ZNF335: variants seen among roughly 807,000 people sequenced by gnomAD.
The protein encoded by ZNF335 is zinc finger protein 335.
In ZNF335, 84 loss-of-function variants were observed where a neutral mutation model predicts 145.6. The ratio of observed to expected loss-of-function variants is 0.58; its 90% confidence interval spans 0.48 to 0.69. ZNF335 has a LOEUF of 0.69. Among genes scored for constraint, ZNF335 ranks in the 30% least tolerant of loss-of-function variants. ZNF335 has a pLI of 0.00. For synonymous variants in ZNF335, 761 were observed against 717.0 expected (o/e 1.06, Z -0.98); for missense variants, 1,865 against 1,809.7 (o/e 1.03, Z -0.55).
chr20:45,952,139 G>A lies in ZNF335; in HGVS notation c.3189+8C>T, dbSNP rs201723269. The A allele has an allele frequency of 3.2e-5, 51 of 1,588,030 alleles. No individual in the cohort carries two copies. Among genetic ancestry groups the A allele is most frequent in the Non-Finnish European group, 4.1e-5 (48 of 1,165,112 alleles). ...GACAGCAGAGACACAGGAGCAACCA[G>A]CACCTACCCGGACCTCGGGCCACTG... On this transcript the variant is annotated splice_region_variant and intron_variant, in intron 20 of 27. Coordinates refer to ENST00000322927, the MANE Select transcript of ZNF335 (RefSeq NM_022095.4).
chr20:45,965,127 C>G (rs2083928030), intron 7 of ZNF335, among the ~76,000 whole-genome samples: 1 of 151,740 alleles, frequency 6.6e-6, no homozygotes, highest in South Asian at 2.1e-4. Flanking sequence ...GTATTTAACC[C>G]TTAAGCAATC....
chr20:45,969,982 C>G (rs914953234), intron 2 of ZNF335: 2 of 316,914 alleles, frequency 6.3e-6, no homozygotes, highest in Non-Finnish European at 1.2e-5. Flanking sequence ...TTGCATAAAT[C>G]GTTCCCTCTG....
At position 45,969,610 on chromosome 20, in the gene ZNF335, G is replaced by A; in HGVS notation, c.283C>T (p.Pro95Ser). 6.2e-7 allele frequency: 1 copy of A among 1,609,452 alleles called. No homozygotes were observed. The highest frequency in any genetic ancestry group is 8.5e-7 in the Non-Finnish European group (1 of 1,176,686). ...GGACCGCCTGTCACCCCTGCCACTGGCCCATGAGACACAGACGATGAATCA... is the reference window on the plus strand; with the variant it reads ...GGACCGCCTGTCACCCCTGCCACTGACCCATGAGACACAGACGATGAATCA... ...LPDSSSVSHG[P>S]VAGVTGGPPA... Residue 95 changes from proline to serine, a missense_variant, in exon 3 of 28, where the codon CCA (proline) becomes TCA (serine). Physicochemically the swap from Pro to Ser is moderately conservative, Grantham distance 74. Transcript: ENST00000322927.
In ZNF335 at chr20:45,963,974, A is replaced by G. The variant is rs140809867; in HGVS notation, c.1119T>C (p.Pro373=). The G allele has an allele frequency of 2.6e-5, 39 of 1,520,990 alleles. No homozygotes were observed. In the African/African-American group the frequency reaches 5.3e-4, roughly 21 times the overall value. 94.2% of individuals were successfully genotyped at this position (1,520,990 alleles called of 1,614,324 possible). A position where few individuals can be genotyped will look rare whatever the true frequency, so the allele number is the denominator to read the frequency against. ...TCTGTCCACTCTGGGAACTCACTAG[A>G]GGCTCTCCTTCCACACCTGCCACGG... The part of the protein sequence containing the change: ...SDLPDGVEGE[P]LVSSQSGQSP... Residue 373 remains proline (P), a synonymous_variant, in exon 8 of 28, where the codon CCT becomes CCC. Transcript: ENST00000322927.
intron 6 of ZNF335, 65 bp downstream of exon 6, chr20:45,967,429 G>A (rs2083975607): frequency 6.2e-7 from 1 of 1,613,266 alleles, no homozygotes; most frequent in Non-Finnish European, 8.5e-7. Flanking sequence ...CCCTCCAAGT[G>A]AAAGCTCAGT....
chr20:45,951,058 A>G lies in ZNF335; in HGVS notation c.3190-463T>C, dbSNP rs138191963. Among the ~76,000 whole-genome samples the G allele has an allele frequency of 4.4e-3, 669 of 152,228 alleles. 1 individual carries two copies. Among genetic ancestry groups the G allele is most frequent in the African/African-American group, 0.016 (647 of 41,536 alleles). On this transcript the variant is annotated intron_variant, in intron 20 of 27. Coordinates refer to ENST00000322927, the MANE Select transcript of ZNF335 (RefSeq NM_022095.4). ...CTGGCATGCGCCACCACACCTGGCT[A>G]ATTTTGTATTTTTAGTAGAGATGGG... is the stretch of plus-strand genomic sequence containing the variant.
Position 45,952,719 on chromosome 20 carries a change from T to C in ZNF335, c.2703-10A>G, listed in dbSNP as rs745453009. 2 of 1,613,098 alleles carry C rather than the reference T, an allele frequency of 1.2e-6. No homozygotes were observed. Among genetic ancestry groups the C allele is most frequent in the Non-Finnish European group, 1.7e-6 (2 of 1,179,638 alleles). On this transcript the variant is annotated splice_polypyrimidine_tract_variant and intron_variant, in intron 18 of 27. Transcript: ENST00000322927. ...TCCTGCGGGCTCCTCGCTGTGGGCA[T>C]GGAGAAGGTTCTAGGAGAAGATGGA...
At chr20:45,971,529 C>G in intron 1 of ZNF335, 69 bp from the exon 2 acceptor site, 1 of 1,500,362 alleles carries the variant, frequency 6.7e-7, no homozygotes, top group Non-Finnish European at 8.9e-7. Context: ...CACGGCCACC[C>G]ATTTGCACCC....
chr20:45,964,268 G>T lies in ZNF335; in HGVS notation c.1103-278C>A, dbSNP rs528085755. The T allele has an allele frequency of 6.4e-4, 240 of 375,452 alleles. 1 individual carries two copies. The highest frequency in any genetic ancestry group is 8.8e-4 in the East Asian group (21 of 23,950). 23.3% of individuals were successfully genotyped at this position (375,452 alleles called of 1,614,324 possible). On this transcript the variant is annotated intron_variant, in intron 7 of 27. Transcript: ENST00000322927. ...TCAGGAGACCTGGGTTCCAGGCACG[G>T]CTCTGTCACTGACATGCTGTGCACC...
chr20:45,960,776 G>A (rs1350692822), intron 11 of ZNF335, 44 bp from the exon 12 acceptor site: 2 of 1,611,982 alleles, frequency 1.2e-6, no homozygotes, highest in South Asian at 2.2e-5. Flanking sequence ...AGAAGTGGAG[G>A]AGGGAGGATA....
chr20:45,948,864 C>G lies in ZNF335; in HGVS notation c.*89G>C, dbSNP rs1023135017. On this transcript the variant is annotated 3_prime_UTR_variant, in exon 28 of 28. Transcript: ENST00000322927. ...TGCTGGCTATCCAGTATCTGGAGAT[C>G]CTAAATGAAGAGGGAGGTGAGTCCT... 1 of 1,585,600 alleles carries G rather than the reference C, an allele frequency of 6.3e-7. No homozygotes were observed. Among genetic ancestry groups the G allele is most frequent in the Non-Finnish European group, 8.6e-7 (1 of 1,160,820 alleles).
At position 45,972,170 on chromosome 20, in the gene ZNF335, T is replaced by C; in HGVS notation, c.-99A>G. 2 of 1,289,194 alleles carry C rather than the reference T, an allele frequency of 1.6e-6. No homozygotes were observed. The highest frequency in any genetic ancestry group is 2.0e-6 in the Non-Finnish European group (2 of 988,620). 79.9% of individuals were successfully genotyped at this position (1,289,194 alleles called of 1,614,324 possible). On this transcript the variant is annotated 5_prime_UTR_variant, in exon 1 of 28. Coordinates refer to ENST00000322927, the MANE Select transcript of ZNF335 (RefSeq NM_022095.4). ...CTCTCTGACTCCGGCATCGACGAGG[T>C]CGCCATCCTCTTTCCTCCGCTGCGG...
At position 45,960,865 on chromosome 20, in the gene ZNF335, G is replaced by A. The variant is rs756223963; in HGVS notation, c.1664C>T (p.Pro555Leu). 5.5e-5 allele frequency: 88 copies of A among 1,613,686 alleles called. No homozygotes were observed. The highest frequency in any genetic ancestry group is 1.2e-4 in the African/African-American group (9 of 74,862). The change falls in exon 11 of 28, where the codon CCG (proline) becomes CTG (leucine). Residue 555 changes from proline (P) to leucine (L), a missense_variant and splice_region_variant. Transcript: ENST00000322927. The stretch of plus-strand genomic sequence containing the variant: ...CCCAGGCCAGCACGCCAGACTCACC[G>A]GATCTGGCCTCTTCTTCCTGTGGGG... Reference protein sequence around the residue: ...HSRDRKKRPDPTPKLSSFPCP... With the variant: ...HSRDRKKRPDLTPKLSSFPCP...
rs565387765 is a variant in ZNF335 at position 45,957,856 on chromosome 20, C to T, written c.2326G>A (p.Ala776Thr). The T allele has an allele frequency of 1.5e-5, 24 of 1,613,858 alleles. No individual in the cohort carries two copies. Among genetic ancestry groups the T allele is most frequent in the African/African-American group, 4.0e-5 (3 of 74,952 alleles). ...TCACCTTGCTGGTAGATGATGGTGGCGCCGCCCAGGGTGTCAGAACAGAGC... is the reference window on the plus strand; with the variant it reads ...TCACCTTGCTGGTAGATGATGGTGGTGCCGCCCAGGGTGTCAGAACAGAGC... ...SLLCSDTLGG[A>T]TIIYQQGAEE... Residue 776 changes from alanine (A) to threonine (T), a missense_variant, in exon 16 of 28, where the codon GCC becomes ACC. By Grantham distance (58) the Ala-to-Thr change is moderately conservative. Coordinates refer to ENST00000322927, the MANE Select transcript of ZNF335 (RefSeq NM_022095.4).
chr20:45,965,599 C>A, intron 7 of ZNF335, 29 bp downstream of exon 7: 1 of 1,583,088 alleles, frequency 6.3e-7, no homozygotes. Context: ...GACCCACCCA[C>A]ACGAGCCCCT....
Position 45,972,179 on chromosome 20 carries a change from T to G in ZNF335, c.-108A>C. ...TCCGGCATCGACGAGGTCGCCATCC[T>G]CTTTCCTCCGCTGCGGAGGAACCCA... On this transcript the variant is annotated 5_prime_UTR_variant, in exon 1 of 28. Transcript: ENST00000322927. The G allele has an allele frequency of 7.8e-7, 1 of 1,289,280 alleles. No individual in the cohort carries two copies. Among genetic ancestry groups the G allele is most frequent in the Non-Finnish European group, 1.0e-6 (1 of 988,554 alleles). The allele number at this position is 1,289,280 out of a possible 1,614,324, so 79.9% of individuals were successfully genotyped here. A position where few individuals can be genotyped will look rare whatever the true frequency, so the allele number is the denominator to read the frequency against.
chr20:45,960,371 G>A lies in ZNF335; in HGVS notation c.1860-3C>T, dbSNP rs770964359. 6 of 1,614,204 alleles carry A rather than the reference G, an allele frequency of 3.7e-6. No individual in the cohort carries two copies. The highest frequency in any genetic ancestry group is 5.1e-6 in the Non-Finnish European group (6 of 1,180,022). On this transcript the variant is annotated splice_region_variant and splice_polypyrimidine_tract_variant and intron_variant, in intron 13 of 27. Transcript: ENST00000322927. ...ACTCACAGAACTCACACTTGAACCTGGAGGCGGTTAGAGGGAGGGAAGCTC... is the reference window on the plus strand; with the variant it reads ...ACTCACAGAACTCACACTTGAACCTAGAGGCGGTTAGAGGGAGGGAAGCTC...
At chr20:45,971,847 C>CA in intron 1 of ZNF335, 1 of 985,442 alleles carries the variant, frequency 1.0e-6, no homozygotes, top group Non-Finnish European at 1.2e-6. Context: ...TCGCTCCCCC[C>CA]CGGTTCCCCT....
chr20:45,966,682 G>A (rs994522373), intron 6 of ZNF335, among the ~76,000 whole-genome samples: 1 of 150,852 alleles, frequency 6.6e-6, no homozygotes, highest in Non-Finnish European at 1.5e-5. Flanking sequence ...TTCCCAAGTA[G>A]CTGGGATTGC....
Sources: allele counts gnomAD v4.1 joint callset (sites outside exome capture counted in the v4.1 genomes callset), GRCh38; gene constraint gnomAD v4.1.1; transcripts MANE v1.5; gene names NCBI Gene and HGNC (gene_info 2026-07-23, HGNC 2026-07-21).